The following RBM20 variants were observed in gnomAD, a reference collection of about 807,000 sequenced individuals.
RBM20 encodes the protein RNA binding motif protein 20.
Under a neutral mutation model 110.1 loss-of-function variants are expected in RBM20, and 51 were observed. That is an observed-to-expected ratio of 0.46 (90% CI 0.37 to 0.59). The LOEUF (loss-of-function observed/expected upper bound fraction) is 0.59. Among genes scored for constraint, RBM20 ranks in the 20% least tolerant of loss-of-function variants. The pLI is 0.00. For synonymous variants in RBM20, 589 were observed against 618.2 expected, an observed-to-expected ratio of 0.95 and a Z score of 0.70; for missense variants, 1,512 against 1,574.9, an observed-to-expected ratio of 0.96 and a Z score of 0.68.
chr10:110,747,098 T>C (rs1456104240), intron 1 of RBM20, among the ~76,000 whole-genome samples: 3 of 152,168 alleles, frequency 2.0e-5, no homozygotes, highest in South Asian at 2.1e-4. Flanking sequence ...TAAGATGTTA[T>C]CATTGGGGAA....
intron 12 of RBM20, among the ~76,000 whole-genome samples, chr10:110,829,266 C>T (rs1368302313): frequency 6.6e-6 from 1 of 152,242 alleles, no homozygotes; most frequent in Non-Finnish European, 1.5e-5. Context: ...CCTCTGCCAG[C>T]ACCAACAGCC....
intron 10 of RBM20, among the ~76,000 whole-genome samples, chr10:110,821,012 A>G (rs543342711): frequency 6.6e-6 from 1 of 152,354 alleles, no homozygotes; most frequent in African/African-American, 2.4e-5. Flanking sequence ...TATATTGAGC[A>G]CCCATTATCT....
chr10:110,716,314 T>C (rs931289137), intron 1 of RBM20, among the ~76,000 whole-genome samples: 2 of 152,104 alleles, frequency 1.3e-5, no homozygotes, highest in Non-Finnish European at 2.9e-5. Context: ...TGCAACTGCA[T>C]ACCACCCTCA....
chr10:110,788,260 C>A (rs1380635556), intron 5 of RBM20, among the ~76,000 whole-genome samples: 1 of 152,192 alleles, frequency 6.6e-6, no homozygotes, highest in Non-Finnish European at 1.5e-5. Context: ...TCTGAGGCTG[C>A]GTTGCAGGTG....
intron 11 of RBM20, chr10:110,822,357 G>A: frequency 2.2e-6 from 1 of 448,726 alleles, no homozygotes; most frequent in Non-Finnish European, 4.4e-6. Flanking sequence ...GAGTGGAAGG[G>A]GAAGGAACAG....
At position 110,831,089 on chromosome 10, in the gene RBM20, C is replaced by G. The variant is rs957720212; in HGVS notation, c.3480C>G (p.Gly1160=). 1.3e-6 allele frequency: 2 copies of G among 1,551,292 alleles called. No individual in the cohort carries two copies. Among genetic ancestry groups the G allele is most frequent in the Non-Finnish European group, 1.7e-6 (2 of 1,146,824 alleles). Residue 1160 remains glycine (G), a synonymous_variant, in exon 13 of 14, where the codon GGC becomes GGG. Coordinates refer to ENST00000369519, the MANE Select transcript of RBM20 (RefSeq NM_001134363.3). ...LGVEFVVPRT[G]FYCKLCGLFY... Reference sequence around the variant, plus strand: ...TGGAGTTCGTGGTTCCCAGGACTGGCTTTTATTGCAAGCTGTGTGGGCTGT... The same window carrying G: ...TGGAGTTCGTGGTTCCCAGGACTGGGTTTTATTGCAAGCTGTGTGGGCTGT...
intron 1 of RBM20, among the ~76,000 whole-genome samples, chr10:110,701,662 G>A (rs1014477945): frequency 1.3e-5 from 2 of 152,220 alleles, no homozygotes; most frequent in Admixed American, 6.5e-5. Context: ...GGGAAAGGGA[G>A]TCAGGGATTT....
chr10:110,791,353 G>A (rs554493097), intron 5 of RBM20, among the ~76,000 whole-genome samples: 8 of 152,178 alleles, frequency 5.3e-5, no homozygotes, highest in African/African-American at 9.6e-5. Flanking sequence ...CACAGAAATC[G>A]TTTACTGAAG....
intron 9 of RBM20, 64 bp downstream of exon 9, chr10:110,813,011 TATA>T: frequency 8.7e-7 from 1 of 1,146,002 alleles, no homozygotes; most frequent in Non-Finnish European, 1.2e-6. Context: ...ATCATAATAA[TATA>T]ATGAGGATGA....
intron 1 of RBM20, among the ~76,000 whole-genome samples, chr10:110,718,331 C>G (rs558706909): frequency 5.6e-4 from 86 of 152,230 alleles, no homozygotes; most frequent in African/African-American, 1.9e-3. Flanking sequence ...TTAGTTTTTC[C>G]TTAGAAGACC....
At chr10:110,744,322 A>G (rs575673603) in intron 1 of RBM20, among the ~76,000 whole-genome samples, 38 of 152,188 alleles carry the variant, frequency 2.5e-4, no homozygotes, top group Non-Finnish European at 4.6e-4. Flanking sequence ...GTAGCATTCC[A>G]GGCCCTCAGA....
intron 1 of RBM20, among the ~76,000 whole-genome samples, chr10:110,778,361 T>C (rs2135036065): frequency 6.6e-6 from 1 of 152,370 alleles, no homozygotes; most frequent in East Asian, 1.9e-4. Flanking sequence ...ATGTGCTTTG[T>C]ACTTACATTT....
At chr10:110,662,684 A>C (rs1020666456) in intron 1 of RBM20, among the ~76,000 whole-genome samples, 32 of 152,236 alleles carry the variant, frequency 2.1e-4, no homozygotes, top group African/African-American at 7.5e-4. Context: ...TACACACACA[A>C]AAATTTTTTA....
At chr10:110,686,882 T>C (rs1862513077) in intron 1 of RBM20, among the ~76,000 whole-genome samples, 1 of 151,528 alleles carries the variant, frequency 6.6e-6, no homozygotes, top group South Asian at 2.1e-4. Context: ...CTACTAAAAA[T>C]ATAAAAATTA....
chr10:110,717,847 C>T (rs193253222), intron 1 of RBM20, among the ~76,000 whole-genome samples: 1 of 152,228 alleles, frequency 6.6e-6, no homozygotes, highest in Non-Finnish European at 1.5e-5. Flanking sequence ...ACCCAAAGCG[C>T]TCCATTGCAC....
At chr10:110,768,231 GAGGGAGAGGGAGGGAA>G (rs1207364426) in intron 1 of RBM20, among the ~76,000 whole-genome samples, 3 of 138,700 alleles carry the variant, frequency 2.2e-5, no homozygotes, top group Admixed American at 1.5e-4. Context: ...AAAGAGGGGA[GAGGGAGAGGGAGGGAA>G]AGGGAGAGGG....
At chr10:110,787,559 T>A (rs561653400) in intron 5 of RBM20, among the ~76,000 whole-genome samples, 12 of 152,344 alleles carry the variant, frequency 7.9e-5, no homozygotes, top group Admixed American at 7.2e-4. Flanking sequence ...ATACCCAGGG[T>A]CACACTTGCT....
chr10:110,769,245 T>C (rs552119984), intron 1 of RBM20, among the ~76,000 whole-genome samples: 1 of 150,714 alleles, frequency 6.6e-6, no homozygotes, highest in East Asian at 1.9e-4. Flanking sequence ...GATGACTTTA[T>C]CAACAACCTT....
At chr10:110,667,299 C>T (rs1436285807) in intron 1 of RBM20, among the ~76,000 whole-genome samples, 1 of 152,242 alleles carries the variant, frequency 6.6e-6, no homozygotes, top group Non-Finnish European at 1.5e-5. Flanking sequence ...CCCCACTGAA[C>T]CCCATGATAT....
Sources: gnomAD v4.1 joint callset for allele counts (sites outside exome capture counted in the v4.1 genomes callset) on GRCh38, gnomAD v4.1.1 for gene constraint, MANE v1.5 for transcripts, NCBI Gene and HGNC (gene_info 2026-07-23, HGNC 2026-07-21) for gene names.